Variants in RHOU observed in about 807,000 individuals in gnomAD.
RHOU encodes the protein rho-related GTP-binding protein RhoU.
In RHOU, 8 loss-of-function variants were observed where a neutral mutation model predicts 12.6. The observed-to-expected ratio is 0.64, with a 90% CI of 0.37 to 1.15. RHOU has a LOEUF of 1.15. Ranked by LOEUF, RHOU falls within the 50% of genes most tolerant of loss-of-function variation. RHOU has a pLI of 0.01. For synonymous variants in RHOU, 161 were observed against 147.4 expected (o/e 1.09, Z -0.67); for missense variants, 258 against 347.0 (o/e 0.74, Z 2.04).
the RHOU span, among the ~76,000 whole-genome samples, chr1:228,702,200 A>G: frequency 6.6e-6 from 1 of 152,196 alleles, no homozygotes; most frequent in South Asian, 2.1e-4. Flanking sequence ...AAATAATATG[A>G]CTTTAAGATT....
the RHOU span, among the ~76,000 whole-genome samples, chr1:228,678,569 G>A: frequency 1.3e-5 from 2 of 152,146 alleles, no homozygotes; most frequent in East Asian, 1.9e-4. Flanking sequence ...TATTAAAGAG[G>A]CATTAATGAT....
chr1:228,735,370 T>C (rs1662573950), upstream of RHOU: 1 of 154,748 alleles, frequency 6.5e-6, no homozygotes, highest in Admixed American at 6.5e-5. This position sits in a 1 kb window ranked among gnomAD's most constrained non-coding sequence, Gnocchi z 8.1. Flanking sequence ...GCTGTGGTCT[T>C]GGCGCGGGGA....
Position 228,735,925 on chromosome 1 carries a change from C to T in RHOU, c.183C>T (p.Gly61=), listed in dbSNP as rs748537831. ...TGCTGGTCGGCGACGGCGCGGTGGG[C>T]AAGACGAGCCTGGTGGTGAGCTACA... ...KCVLVGDGAV[G]KTSLVVSYTT... Residue 61 remains glycine (G), a synonymous_variant, in exon 1 of 3, where the codon GGC becomes GGT. Coordinates refer to ENST00000366691, the MANE Select transcript of RHOU (RefSeq NM_021205.6). This position sits in a 1 kb window ranked among gnomAD's most constrained non-coding sequence, Gnocchi z 8.1. 15 of 1,567,440 alleles carry T rather than the reference C, an allele frequency of 9.6e-6. No individual in the cohort carries two copies. The highest frequency in any genetic ancestry group is 7.0e-5 in the Admixed American group (4 of 56,946).
the RHOU span, among the ~76,000 whole-genome samples, chr1:228,722,623 ACCT>A: frequency 7.0e-6 from 1 of 142,560 alleles, no homozygotes; most frequent in Non-Finnish European, 1.5e-5. Flanking sequence ...AGTTATCCTG[ACCT>A]CCTTTTTTTT....
At chr1:228,664,631 T>C in the RHOU span, among the ~76,000 whole-genome samples, 1 of 152,110 alleles carries the variant, frequency 6.6e-6, no homozygotes, top group Non-Finnish European at 1.5e-5. Context: ...CCGTGTTCAT[T>C]GCCAAGATTG....
the RHOU span, among the ~76,000 whole-genome samples, chr1:228,702,508 T>A: frequency 1.3e-5 from 2 of 152,184 alleles, no homozygotes; most frequent in Non-Finnish European, 2.9e-5. Flanking sequence ...ACTGAGGACA[T>A]GTCCCCATAT....
the RHOU span, chr1:228,650,202 C>T: frequency 2.2e-6 from 1 of 456,694 alleles, no homozygotes; most frequent in African/African-American, 2.0e-5. Context: ...CCCCATGGGT[C>T]GCCCATGGGG....
At chr1:228,701,204 T>C in the RHOU span, among the ~76,000 whole-genome samples, 9 of 152,344 alleles carry the variant, frequency 5.9e-5, no homozygotes, top group South Asian at 1.9e-3. Context: ...TTTTGAATTT[T>C]AAATTTGATT....
the RHOU span, among the ~76,000 whole-genome samples, chr1:228,720,292 T>A: frequency 6.6e-6 from 1 of 152,334 alleles, no homozygotes; most frequent in Non-Finnish European, 1.5e-5. Context: ...TTTCCATACA[T>A]AATACATACT....
the RHOU span, among the ~76,000 whole-genome samples, chr1:228,715,065 T>C: frequency 6.6e-6 from 1 of 152,018 alleles, no homozygotes; most frequent in Admixed American, 6.6e-5. Flanking sequence ...CACCAGGAAT[T>C]TGATTTGAAA....
the RHOU span, among the ~76,000 whole-genome samples, chr1:228,673,803 T>G: frequency 6.6e-6 from 1 of 152,252 alleles, no homozygotes; most frequent in Non-Finnish European, 1.5e-5. Context: ...TTTATAGCAG[T>G]GCAAGAACAG....
the RHOU span, among the ~76,000 whole-genome samples, chr1:228,672,322 C>G: frequency 6.6e-6 from 1 of 152,252 alleles, no homozygotes; most frequent in Middle Eastern, 3.4e-3. Context: ...CCACCAGACA[C>G]AGCTGATTTT....
At chr1:228,650,833 C>T in the RHOU span, 58,980 of 415,372 alleles carry the variant, frequency 0.14, 4,842 homozygotes, top group African/African-American at 0.27. Context: ...TCAAGCTATA[C>T]ATCACAGCCC....
chr1:228,669,749 G>C, the RHOU span, among the ~76,000 whole-genome samples: 1 of 152,180 alleles, frequency 6.6e-6, no homozygotes, highest in South Asian at 2.1e-4. Flanking sequence ...TTAGTATGGA[G>C]AAGAGTATAA....
At chr1:228,692,647 A>G in the RHOU span, among the ~76,000 whole-genome samples, 1 of 152,148 alleles carries the variant, frequency 6.6e-6, no homozygotes, top group African/African-American at 2.4e-5. Context: ...TATGTTACCC[A>G]GCCTGGTCTT....
the RHOU span, among the ~76,000 whole-genome samples, chr1:228,686,914 A>G: frequency 1.3e-5 from 2 of 151,930 alleles, no homozygotes; most frequent in Admixed American, 6.6e-5. Context: ...TGATTTTTGT[A>G]TTTTTAGTAG....
At chr1:228,739,753 A>G (rs994855627) in intron 2 of RHOU, among the ~76,000 whole-genome samples, 5 of 152,214 alleles carry the variant, frequency 3.3e-5, no homozygotes, top group African/African-American at 1.2e-4. Context: ...CTCAAATATC[A>G]CTGTCCACTG....
the RHOU span, among the ~76,000 whole-genome samples, chr1:228,670,377 GA>G: frequency 6.6e-6 from 1 of 152,188 alleles, no homozygotes; most frequent in Non-Finnish European, 1.5e-5. Flanking sequence ...AATAATTAAG[GA>G]GAACAGAAAC....
the RHOU span, among the ~76,000 whole-genome samples, chr1:228,655,672 A>G: frequency 6.6e-6 from 1 of 152,222 alleles, no homozygotes; most frequent in Non-Finnish European, 1.5e-5. Flanking sequence ...GCTAGACCAG[A>G]CTAACAGCTC....
Sources: gnomAD v4.1 joint callset for allele counts (sites outside exome capture counted in the v4.1 genomes callset) on GRCh38, gnomAD v4.1.1 for gene constraint, Gnocchi (gnomAD v3.1) non-coding constraint, MANE v1.5 for transcripts, NCBI Gene and HGNC (gene_info 2026-07-23, HGNC 2026-07-21) for gene names.